CCSER1: variants seen among roughly 807,000 people sequenced by gnomAD.
CCSER1 encodes the protein coiled-coil serine rich protein 1, also known as serine-rich coiled-coil domain-containing protein 1.
CCSER1 carries 41 observed loss-of-function variants against 82.0 expected under a neutral mutation model. That is an observed-to-expected ratio of 0.50 (90% CI 0.39 to 0.65). CCSER1 has a LOEUF of 0.65. CCSER1 is among the 30% of genes least tolerant of loss of function. The probability of loss-of-function intolerance (pLI) is 0.00; values close to 1 mark genes in which losing one functional copy is unlikely to be tolerated. For missense variants in CCSER1, 1,119 were observed against 1,064.2 expected, an observed-to-expected ratio of 1.05 and a Z score of -0.72; for synonymous variants, 414 against 383.9, an observed-to-expected ratio of 1.08 and a Z score of -0.92.
At chr4:91,171,081 C>CA (rs1732698694) in intron 10 of CCSER1, among the ~76,000 whole-genome samples, 1 of 151,516 alleles carries the variant, frequency 6.6e-6, no homozygotes, top group Admixed American at 6.6e-5. Flanking sequence ...CTAGGACAAA[C>CA]TTTTTTTTTC....
chr4:90,628,358 G>A, intron 6 of CCSER1, 126 bp downstream of exon 6: 1 of 668,658 alleles, frequency 1.5e-6, no homozygotes, highest in East Asian at 2.7e-5. Flanking sequence ...GTTTCCTCTT[G>A]GAGCTTAGCT....
chr4:90,442,858 A>G (rs1760094399), intron 4 of CCSER1, among the ~76,000 whole-genome samples: 1 of 152,132 alleles, frequency 6.6e-6, no homozygotes, highest in Non-Finnish European at 1.5e-5. Flanking sequence ...TGACAGAGAG[A>G]GTGCCGGTCC....
chr4:91,231,586 A>C (rs1289465455), intron 10 of CCSER1, among the ~76,000 whole-genome samples: 4 of 151,710 alleles, frequency 2.6e-5, no homozygotes, highest in Non-Finnish European at 5.9e-5. Context: ...AAGATAGATG[A>C]CAGGAAATTC....
intron 10 of CCSER1, among the ~76,000 whole-genome samples, chr4:91,091,027 A>T (rs1465621470): frequency 1.3e-5 from 2 of 152,086 alleles, no homozygotes; most frequent in African/African-American, 4.8e-5. Flanking sequence ...TCCTTTTCCC[A>T]AGTAGCCCAA....
chr4:90,334,308 CT>C (rs1304876722), intron 3 of CCSER1, among the ~76,000 whole-genome samples: 1 of 151,920 alleles, frequency 6.6e-6, no homozygotes, highest in Non-Finnish European at 1.5e-5. Flanking sequence ...GAGCGATTGA[CT>C]TTTTTTAAGC....
chr4:90,957,251 C>A (rs1164298678), intron 9 of CCSER1, among the ~76,000 whole-genome samples: 1 of 146,942 alleles, frequency 6.8e-6, no homozygotes, highest in African/African-American at 2.5e-5. Flanking sequence ...ACAGGCCCCC[C>A]CCACCACGTC....
intron 10 of CCSER1, among the ~76,000 whole-genome samples, chr4:91,317,649 A>G (rs1201737916): frequency 6.6e-6 from 1 of 150,384 alleles, no homozygotes; most frequent in Non-Finnish European, 1.5e-5. Flanking sequence ...TGCATAATCT[A>G]AGGTCTTACT....
intron 1 of CCSER1, among the ~76,000 whole-genome samples, chr4:90,306,449 A>G (rs987621287): frequency 3.9e-5 from 6 of 152,220 alleles, no homozygotes; most frequent in African/African-American, 1.2e-4. Context: ...CCTCATAAGT[A>G]TATACAATTG....
rs147994161 is a variant in CCSER1 at position 90,803,672 on chromosome 4, A to G, written c.2011-12090A>G. Among the ~76,000 whole-genome samples the G allele has an allele frequency of 8.8e-3, 1,335 of 152,198 alleles. 14 individuals are homozygous for G. The highest frequency in any genetic ancestry group is 0.018 in the South Asian group (89 of 4,824). Reference sequence around the variant, plus strand: ...TTGTGAATAGTGCTGCAATAAACATATGTGTGTGTGTGTCTTTATACTAGA... The same window carrying G: ...TTGTGAATAGTGCTGCAATAAACATGTGTGTGTGTGTGTCTTTATACTAGA... On this transcript the variant is annotated intron_variant, in intron 7 of 10. Transcript: ENST00000509176.
At chr4:90,686,424 T>C (rs1004143440) in intron 6 of CCSER1, among the ~76,000 whole-genome samples, 1 of 152,018 alleles carries the variant, frequency 6.6e-6, no homozygotes, top group African/African-American at 2.4e-5. Context: ...CTTTTTACTT[T>C]AATCAAATAT....
At chr4:90,403,289 G>A (rs1243419773) in intron 4 of CCSER1, among the ~76,000 whole-genome samples, 2 of 151,898 alleles carry the variant, frequency 1.3e-5, no homozygotes, top group Non-Finnish European at 1.5e-5. Context: ...CACGAGGTCA[G>A]GAGATCGAGA....
intron 5 of CCSER1, among the ~76,000 whole-genome samples, chr4:90,599,681 T>C (rs1049206325): frequency 6.6e-6 from 1 of 152,168 alleles, no homozygotes; most frequent in Non-Finnish European, 1.5e-5. Context: ...GTTTCTGTGC[T>C]CCACAGGGTT....
intron 4 of CCSER1, among the ~76,000 whole-genome samples, chr4:90,428,969 A>G (rs1158000410): frequency 6.6e-6 from 1 of 151,820 alleles, no homozygotes; most frequent in Non-Finnish European, 1.5e-5. Flanking sequence ...TGGAAGTCTG[A>G]ACAAAATATG....
At chr4:90,849,959 C>T (rs911665772) in intron 8 of CCSER1, among the ~76,000 whole-genome samples, 4 of 152,054 alleles carry the variant, frequency 2.6e-5, no homozygotes, top group Non-Finnish European at 4.4e-5. Flanking sequence ...GCCTGGAGGC[C>T]TAGGAAGGAA....
intron 10 of CCSER1, among the ~76,000 whole-genome samples, chr4:91,407,487 G>A (rs1752770728): frequency 6.6e-6 from 1 of 152,154 alleles, no homozygotes; most frequent in African/African-American, 2.4e-5. Context: ...TAGACAAGAA[G>A]AGAATGAACG....
chr4:91,306,381 G>GA (rs771518133), intron 10 of CCSER1, among the ~76,000 whole-genome samples: 23 of 151,850 alleles, frequency 1.5e-4, no homozygotes, highest in Admixed American at 3.9e-4. Flanking sequence ...TTCTTCTTCT[G>GA]AAAAAAATAT....
intron 10 of CCSER1, among the ~76,000 whole-genome samples, chr4:91,373,070 C>G (rs910967050): frequency 6.6e-6 from 1 of 150,380 alleles, no homozygotes; most frequent in Non-Finnish European, 1.5e-5. Flanking sequence ...ACACTGAAAT[C>G]ATTTCTACTT....
intron 10 of CCSER1, among the ~76,000 whole-genome samples, chr4:91,099,286 T>G (rs1724823532): frequency 6.6e-6 from 1 of 152,166 alleles, no homozygotes; most frequent in Non-Finnish European, 1.5e-5. Context: ...TATAGAATTT[T>G]TCAGTGGTTT....
At chr4:90,233,881 A>G (rs1745219557) in intron 1 of CCSER1, among the ~76,000 whole-genome samples, 1 of 152,188 alleles carries the variant, frequency 6.6e-6, no homozygotes, top group South Asian at 2.1e-4. Flanking sequence ...ATAAATAATA[A>G]AAATCATTTA....
Sources: gnomAD v4.1 joint callset for allele counts (sites outside exome capture counted in the v4.1 genomes callset) on GRCh38, gnomAD v4.1.1 for gene constraint, MANE v1.5 for transcripts, NCBI Gene and HGNC (gene_info 2026-07-23, HGNC 2026-07-21) for gene names.